The following KIF13B variants were observed in gnomAD, a reference collection of about 807,000 sequenced individuals.
The protein encoded by KIF13B is kinesin family member 13B.
Under a neutral mutation model 222.0 loss-of-function variants are expected in KIF13B, and 127 were observed. The ratio of observed to expected loss-of-function variants is 0.57; its 90% CI spans 0.50 to 0.66. The LOEUF (loss-of-function observed/expected upper bound fraction) is 0.66, where lower values mean the gene tolerates loss of function less well. KIF13B is among the 30% of genes least tolerant of loss of function. The probability of loss-of-function intolerance (pLI) is 0.00; values close to 1 mark genes in which losing one functional copy is unlikely to be tolerated. For synonymous variants in KIF13B, 976 were observed against 919.0 expected, an observed-to-expected ratio of 1.06 and a Z score of -1.12; for missense variants, 2,173 against 2,379.0, an observed-to-expected ratio of 0.91 and a Z score of 1.80.
intron 21 of KIF13B, among the ~76,000 whole-genome samples, chr8:29,135,452 T>A (rs886826055): frequency 1.2e-4 from 18 of 152,248 alleles, no homozygotes; most frequent in Non-Finnish European, 2.6e-4. Context: ...GTTCTGACTT[T>A]ATAACTGATT....
intron 37 of KIF13B, among the ~76,000 whole-genome samples, chr8:29,082,629 A>T (rs1221052582): frequency 1.3e-5 from 2 of 152,118 alleles, no homozygotes; most frequent in African/African-American, 4.8e-5. Context: ...ACAGAGCAAG[A>T]CCTTGTCAGA....
chr8:29,215,758 C>A (rs868137985), intron 2 of KIF13B, among the ~76,000 whole-genome samples: 1 of 151,998 alleles, frequency 6.6e-6, no homozygotes, highest in South Asian at 2.1e-4. Flanking sequence ...AAGAAAGCAA[C>A]GGGAATCTTT....
At chr8:29,191,281 T>C (rs1813172418) in intron 3 of KIF13B, among the ~76,000 whole-genome samples, 1 of 152,224 alleles carries the variant, frequency 6.6e-6, no homozygotes, top group African/African-American at 2.4e-5. Context: ...AAAATGGCTA[T>C]TGCACACACA....
chr8:29,170,024 AGCCCTT>A (rs922666656), intron 10 of KIF13B, among the ~76,000 whole-genome samples: 3 of 152,236 alleles, frequency 2.0e-5, no homozygotes, highest in African/African-American at 7.2e-5. Flanking sequence ...ATATTTTAAA[AGCCCTT>A]GTTCATGGAG....
chr8:29,128,608 C>T lies in KIF13B; in HGVS notation c.3076-1340G>A, dbSNP rs550651169. ...TTGCTTAGTTTGCCTAAGCACTTTC[C>T]GAAGTGATCTATTGTGAATCTGTGC... On this transcript the variant is annotated intron_variant, in intron 24 of 39. Transcript: ENST00000524189. Among the ~76,000 whole-genome samples, 263 of 152,212 alleles carry T rather than the reference C, an allele frequency of 1.7e-3. 1 individual carries two copies. Among genetic ancestry groups the T allele is most frequent in the African/African-American group, 5.9e-3 (245 of 41,508 alleles).
At chr8:29,180,593 T>A (rs1022663041) in intron 7 of KIF13B, among the ~76,000 whole-genome samples, 1 of 152,212 alleles carries the variant, frequency 6.6e-6, no homozygotes, top group Non-Finnish European at 1.5e-5. Flanking sequence ...AAATTTATTG[T>A]TAAATTAGAT....
intron 35 of KIF13B, among the ~76,000 whole-genome samples, chr8:29,106,891 A>G (rs945892987): frequency 1.3e-5 from 2 of 152,160 alleles, no homozygotes; most frequent in African/African-American, 4.8e-5. Flanking sequence ...CACAGCCACT[A>G]CTGACCTCCT....
intron 35 of KIF13B, among the ~76,000 whole-genome samples, chr8:29,105,257 C>A (rs990145322): frequency 5.3e-5 from 8 of 152,170 alleles, no homozygotes; most frequent in African/African-American, 1.9e-4. Flanking sequence ...AAGCATGAGC[C>A]ACCGCGCCCG....
chr8:29,111,872 C>G (rs555114965), intron 32 of KIF13B, among the ~76,000 whole-genome samples: 10 of 152,320 alleles, frequency 6.6e-5, no homozygotes, highest in African/African-American at 2.4e-4. Flanking sequence ...TAGATGTATA[C>G]TTGTTTTAAA....
chr8:29,072,228 GA>G lies in KIF13B; in HGVS notation c.4609del (p.Ser1537ProfsTer6). The G allele has an allele frequency of 1.4e-6, 2 of 1,472,962 alleles. No individual in the cohort carries two copies. Among genetic ancestry groups the G allele is most frequent in the South Asian group, 1.4e-5 (1 of 69,882 alleles). 91.2% of individuals were successfully genotyped at this position (1,472,962 alleles called of 1,614,324 possible). A position where few individuals can be genotyped will look rare whatever the true frequency, so the allele number is the denominator to read the frequency against. ...TGTGACAGCTATGACAGGCGGTGGG[GA>G]AGGCACTTTGGCAGGTTTGTCGCAG... ...KICDKPAKVPSPPPVIAVTAV... is the reference protein window; with the variant it reads ...KICDKPAKVPXPPPVIAVTAV... On this transcript the variant is annotated frameshift_variant, in exon 39 of 40. Coordinates refer to ENST00000524189, the MANE Select transcript of KIF13B (RefSeq NM_015254.4). LOFTEE classifies it high-confidence loss of function.
intron 3 of KIF13B, among the ~76,000 whole-genome samples, chr8:29,193,970 A>C (rs1813303405): frequency 6.8e-6 from 1 of 146,298 alleles, no homozygotes; most frequent in East Asian, 2.0e-4. Context: ...GGCGCCCGCT[A>C]CCACGCCTGG....
intron 21 of KIF13B, among the ~76,000 whole-genome samples, chr8:29,137,667 C>A (rs760555701): frequency 1.3e-5 from 2 of 152,104 alleles, no homozygotes. Flanking sequence ...GCTTATTTGT[C>A]CTCGTCCTTT....
intron 4 of KIF13B, chr8:29,190,597 G>A (rs945687810): frequency 2.6e-5 from 5 of 189,396 alleles, no homozygotes; most frequent in African/African-American, 4.7e-5. Context: ...TCTGTGAGCC[G>A]CTCTAGGAAA....
chr8:29,163,056 T>G (rs1811850720), intron 12 of KIF13B, among the ~76,000 whole-genome samples: 1 of 152,220 alleles, frequency 6.6e-6, no homozygotes, highest in Non-Finnish European at 1.5e-5. Context: ...CCCTGATCTA[T>G]CTCAAGGTTT....
At chr8:29,152,601 A>T (rs991415935) in intron 14 of KIF13B, among the ~76,000 whole-genome samples, 12 of 126,396 alleles carry the variant, frequency 9.5e-5, no homozygotes, top group Non-Finnish European at 1.8e-4. Flanking sequence ...TTAGCAACAG[A>T]GTTTTAATTA....
intron 2 of KIF13B, among the ~76,000 whole-genome samples, chr8:29,201,496 T>C (rs958965897): frequency 1.3e-5 from 2 of 152,342 alleles, no homozygotes; most frequent in South Asian, 4.1e-4. Context: ...AAAATTGATA[T>C]TGGGTCCAAA....
chr8:29,261,004 C>T (rs1313727411), intron 1 of KIF13B, among the ~76,000 whole-genome samples: 6 of 152,024 alleles, frequency 3.9e-5, no homozygotes, highest in Non-Finnish European at 8.8e-5. Flanking sequence ...TCCATAATAA[C>T]CTTTATATTT....
At chr8:29,209,709 T>G (rs1814120464) in intron 2 of KIF13B, among the ~76,000 whole-genome samples, 1 of 152,036 alleles carries the variant, frequency 6.6e-6, no homozygotes, top group South Asian at 2.1e-4. Flanking sequence ...GAGCATCAAG[T>G]ACACTCTGAA....
At position 29,195,585 on chromosome 8, in the gene KIF13B, G is replaced by T. The variant is rs550401660; in HGVS notation, c.162+602C>A. Among the ~76,000 whole-genome samples, 10 of 152,276 alleles carry T rather than the reference G, an allele frequency of 6.6e-5. No homozygotes were observed. In the South Asian group the frequency reaches 2.1e-3, roughly 32 times the overall value. On this transcript the variant is annotated intron_variant, in intron 3 of 39. Coordinates refer to ENST00000524189, the MANE Select transcript of KIF13B (RefSeq NM_015254.4). ...TGGAGACAGAAATCTAAATTTCCTG[G>T]AAGTTCCAAGTAACTTCATGGTCAG...
Sources: gnomAD v4.1 joint callset for allele counts (sites outside exome capture counted in the v4.1 genomes callset) on GRCh38, gnomAD v4.1.1 for gene constraint, MANE v1.5 for transcripts, NCBI Gene and HGNC (gene_info 2026-07-23, HGNC 2026-07-21) for gene names.